Variants in KCNN1 observed in about 807,000 individuals in gnomAD.
KCNN1 encodes potassium calcium-activated channel subfamily N member 1.
In KCNN1, 20 loss-of-function variants were observed where a neutral mutation model predicts 44.7. The observed-to-expected ratio is 0.45, with a 90% confidence interval of 0.32 to 0.65. The LOEUF is 0.65. Ranked by LOEUF, KCNN1 falls within the 30% of genes least tolerant of loss-of-function variation. The pLI is 0.05. For missense variants in KCNN1, 632 were observed against 785.3 expected (o/e 0.80, Z 2.33); for synonymous variants, 324 against 341.7 (o/e 0.95, Z 0.57).
chr19:17,977,400 G>A (rs2145933873), intron 3 of KCNN1, among the ~76,000 whole-genome samples: 2 of 151,398 alleles, frequency 1.3e-5, no homozygotes, highest in East Asian at 3.9e-4. Flanking sequence ...GGAATGCCGT[G>A]GCTTGATCAC....
intron 2 of KCNN1, among the ~76,000 whole-genome samples, chr19:17,955,272 GA>G (rs1422959457): frequency 2.1e-5 from 3 of 146,302 alleles, no homozygotes; most frequent in Non-Finnish European, 4.5e-5. Context: ...AAAAAAAAAA[GA>G]AAAAAGGCCA....
chr19:17,969,548 C>T (rs994000255), intron 1 of KCNN1, among the ~76,000 whole-genome samples: 4 of 152,190 alleles, frequency 2.6e-5, no homozygotes, highest in African/African-American at 9.6e-5. Context: ...TTCTCTCCTC[C>T]TCCCCACCCC....
chr19:17,989,606 T>C, intron 6 of KCNN1, 110 bp from the exon 7 acceptor site: 2 of 1,518,516 alleles, frequency 1.3e-6, no homozygotes, highest in Non-Finnish European at 1.8e-6. Flanking sequence ...CCAGGGACCC[T>C]GAGAGGCATT....
chr19:17,980,340 C>G (rs2032362943), intron 3 of KCNN1, among the ~76,000 whole-genome samples: 1 of 149,458 alleles, frequency 6.7e-6, no homozygotes, highest in South Asian at 2.1e-4. Context: ...CTCCTGCCTC[C>G]CAAAGCACTG....
intron 1 of KCNN1, among the ~76,000 whole-genome samples, chr19:17,954,027 G>A (rs1315794526): frequency 1.3e-5 from 2 of 152,218 alleles, no homozygotes; most frequent in Non-Finnish European, 2.9e-5. Flanking sequence ...AGCATTCAGT[G>A]TCTAGCTTCT....
intron 3 of KCNN1, among the ~76,000 whole-genome samples, chr19:17,976,707 C>T (rs898379837): frequency 3.3e-5 from 5 of 151,232 alleles, no homozygotes; most frequent in East Asian, 2.0e-4. Flanking sequence ...TGTGAGCCAC[C>T]GCGCCCAGCA....
intron 5 of KCNN1, among the ~76,000 whole-genome samples, chr19:17,987,042 G>T (rs1599370827): frequency 6.7e-6 from 1 of 149,908 alleles, no homozygotes; most frequent in Non-Finnish European, 1.5e-5. Flanking sequence ...CCCAACCTCA[G>T]ATAATCCACC....
chr19:17,975,042 C>T (rs751756260), intron 2 of KCNN1, 50 bp from the exon 3 acceptor site: 119 of 1,497,764 alleles, frequency 7.9e-5, no homozygotes, highest in African/African-American at 1.4e-4. Flanking sequence ...GGAGGGCCGC[C>T]GGCCCACCGC....
chr19:17,985,951 C>T (rs1166027256), intron 5 of KCNN1, among the ~76,000 whole-genome samples: 4 of 152,140 alleles, frequency 2.6e-5, no homozygotes, highest in African/African-American at 4.8e-5. Flanking sequence ...TGCTGGGGGC[C>T]GGGCGTGGTG....
In KCNN1 at chr19:17,968,012, CGGGAG is replaced by C. The variant is rs200621981; in HGVS notation, c.-82+698_-82+702del. 2.3e-3 allele frequency among the ~76,000 whole-genome samples: 322 copies of C among 137,446 alleles called. 1 individual carries two copies. The highest frequency in any genetic ancestry group is 8.2e-3 in the African/African-American group (305 of 37,304). The allele number at this position is 137,446 out of a possible 152,430, so 90.2% of individuals were successfully genotyped here. On this transcript the variant is annotated intron_variant, in intron 1 of 9. Transcript: ENST00000684775. ...ACTGGCTCCTGGGCGGCCCATGGGA[CGGGAG>C]GGCAGGCAGTGTCTGTCTGCCCTGC...
chr19:17,962,944 G>A (rs1437038354), upstream of KCNN1, among the ~76,000 whole-genome samples: 3 of 148,026 alleles, frequency 2.0e-5, no homozygotes, highest in South Asian at 2.1e-4. Context: ...CTCATGATCC[G>A]CCTGTCTTGG....
At position 17,988,429 on chromosome 19, in the gene KCNN1, C is replaced by T. The variant is rs769078046; in HGVS notation, c.1074C>T (p.Thr358=). 4.8e-5 allele frequency: 77 copies of T among 1,612,270 alleles called. No individual in the cohort carries two copies. Among genetic ancestry groups the T allele is most frequent in the Middle Eastern group, 1.6e-4 (1 of 6,080 alleles). Reference sequence around the variant, plus strand: ...CCTGCACACAGGGAGCTGGCTGTACCGCGCTCGTGGTGGCTGTGGTGGCTC... The same window carrying T: ...CCTGCACACAGGGAGCTGGCTGTACTGCGCTCGTGGTGGCTGTGGTGGCTC... ...LLTGIMGAGC[T]ALVVAVVARK... The change falls in exon 6 of 10, where the codon ACC becomes ACT. Residue 358 remains threonine (T), a synonymous_variant. Transcript: ENST00000684775.
intron 1 of KCNN1, among the ~76,000 whole-genome samples, chr19:17,970,895 T>G (rs559403268): frequency 4.6e-5 from 7 of 151,800 alleles, no homozygotes; most frequent in Non-Finnish European, 8.8e-5. Context: ...CATTTTTTTT[T>G]TTTTTTGAGA....
upstream of KCNN1, among the ~76,000 whole-genome samples, chr19:17,963,308 C>T (rs1005389792): frequency 4.1e-5 from 6 of 147,480 alleles, 1 homozygote; most frequent in East Asian, 4.1e-4. Context: ...CCACTGCACC[C>T]GGCCACCTTT....
At position 17,998,161 on chromosome 19, in the gene KCNN1, G is replaced by T. The variant is rs200461896; in HGVS notation, c.1387G>T (p.Val463Phe). The T allele has an allele frequency of 6.3e-7, 1 of 1,595,848 alleles. No individual in the cohort carries two copies. Among genetic ancestry groups the T allele is most frequent in the East Asian group, 2.3e-5 (1 of 44,310 alleles). ...TLTDLAKTQT[V>F]MYDLVSELHA... ...TCTCTGTCTCCCGCAGACCCAGACC[G>T]TCATGTACGACCTTGTATCGGAGCT... The change falls in exon 10 of 10, where the codon GTC (valine) becomes TTC (phenylalanine). Residue 463 changes from valine to phenylalanine, a missense_variant. By Grantham distance (50) the Val-to-Phe change is conservative (BLOSUM62 -1). Coordinates refer to ENST00000684775, the MANE Select transcript of KCNN1 (RefSeq NM_001386974.1). The surrounding 1 kb of genome is among the most constrained non-coding windows in gnomAD (Gnocchi z 5.4).
Position 17,967,156 on chromosome 19 carries a change from C to T in KCNN1, c.-243C>T, listed in dbSNP as rs1458140351. ...GTGGACTGGGCGGCGGGGGATGCGCCTGCCGCCGCCGCCCCCGGCCCCGCC... is the reference window on the plus strand; with the variant it reads ...GTGGACTGGGCGGCGGGGGATGCGCTTGCCGCCGCCGCCCCCGGCCCCGCC... On this transcript the variant is annotated 5_prime_UTR_variant, in exon 1 of 10. Coordinates refer to ENST00000684775, the MANE Select transcript of KCNN1 (RefSeq NM_001386974.1). 3.1e-6 allele frequency: 3 copies of T among 964,140 alleles called. No individual in the cohort carries two copies. The highest frequency in any genetic ancestry group is 4.6e-5 in the South Asian group (1 of 21,610). 59.7% of individuals were successfully genotyped at this position (964,140 alleles called of 1,614,324 possible). A position where few individuals can be genotyped will look rare whatever the true frequency, so the allele number is the denominator to read the frequency against.
intron 1 of KCNN1, among the ~76,000 whole-genome samples, chr19:17,969,492 C>G (rs1218174109): frequency 6.6e-6 from 1 of 151,994 alleles, no homozygotes; most frequent in Non-Finnish European, 1.5e-5. Context: ...GCCGGGAAAG[C>G]CCTCCACCCC....
chr19:17,989,075 C>G (rs1200695887), intron 6 of KCNN1, among the ~76,000 whole-genome samples: 1 of 152,154 alleles, frequency 6.6e-6, no homozygotes, highest in African/African-American at 2.4e-5. Context: ...TGAGAGCTGC[C>G]TGACCCTAGC....
chr19:17,982,953 T>G lies in KCNN1; in HGVS notation c.917+826T>G, dbSNP rs544864937. 2.7e-3 allele frequency among the ~76,000 whole-genome samples: 408 copies of G among 151,262 alleles called. 3 individuals carry two copies. The highest frequency in any genetic ancestry group is 4.4e-3 in the Non-Finnish European group (298 of 67,820). ...TACTCGGGAGCCTGAGGCAGGAGAA[T>G]CGCTTGAACCTGGGACGCGGAGGTT... On this transcript the variant is annotated intron_variant, in intron 4 of 9. Coordinates refer to ENST00000684775, the MANE Select transcript of KCNN1 (RefSeq NM_001386974.1).
Sources: gnomAD v4.1 joint callset for allele counts (sites outside exome capture counted in the v4.1 genomes callset) on GRCh38, gnomAD v4.1.1 for gene constraint, Gnocchi (gnomAD v3.1) non-coding constraint, MANE v1.5 for transcripts, NCBI Gene and HGNC (gene_info 2026-07-23, HGNC 2026-07-21) for gene names.